PABPC4L: variants seen among roughly 807,000 people sequenced by gnomAD.
PABPC4L encodes poly(A) binding protein cytoplasmic 4 like, also known as polyadenylate-binding protein 4-like.
For missense variants in PABPC4L, 452 were observed against 451.4 expected (o/e 1.00, Z -0.01); for synonymous variants, 169 against 164.1 (o/e 1.03, Z -0.23).
chr4:134,111,889 G>A, the PABPC4L span, among the ~76,000 whole-genome samples: 1 of 152,060 alleles, frequency 6.6e-6, no homozygotes, highest in South Asian at 2.1e-4. Flanking sequence ...CGTGAAAACA[G>A]ACTAAGGCAC....
At chr4:134,086,110 A>G in the PABPC4L span, among the ~76,000 whole-genome samples, 1 of 151,824 alleles carries the variant, frequency 6.6e-6, no homozygotes, top group African/African-American at 2.4e-5. Context: ...TTGAATAAAC[A>G]GTAGCATTTC....
At chr4:133,984,814 T>C in the PABPC4L span, among the ~76,000 whole-genome samples, 1 of 151,852 alleles carries the variant, frequency 6.6e-6, no homozygotes, top group Non-Finnish European at 1.5e-5. Flanking sequence ...AGACACTTGT[T>C]GTAAGTTTCT....
the PABPC4L span, among the ~76,000 whole-genome samples, chr4:133,983,717 T>C: frequency 1.3e-5 from 2 of 151,842 alleles, no homozygotes; most frequent in African/African-American, 4.8e-5. Context: ...TTGTATTACA[T>C]TTTAGGACAA....
chr4:134,194,553 A>G (rs1729603237), downstream of PABPC4L, among the ~76,000 whole-genome samples: 1 of 151,874 alleles, frequency 6.6e-6, no homozygotes, highest in African/African-American at 2.4e-5. Context: ...CAGAACCAAT[A>G]AAACTTACAC....
chr4:134,005,308 T>C, the PABPC4L span, among the ~76,000 whole-genome samples: 61 of 151,978 alleles, frequency 4.0e-4, no homozygotes, highest in Middle Eastern at 3.4e-3. Context: ...CAAGGAAATA[T>C]GGTTTGACCT....
chr4:134,183,807 A>C, the PABPC4L span, among the ~76,000 whole-genome samples: 5 of 151,758 alleles, frequency 3.3e-5, no homozygotes, highest in East Asian at 9.6e-4. Context: ...AAGACCAATA[A>C]ATTGATATTT....
chr4:134,151,146 G>A, the PABPC4L span, among the ~76,000 whole-genome samples: 4 of 152,034 alleles, frequency 2.6e-5, no homozygotes, highest in South Asian at 2.1e-4. Flanking sequence ...GGCTAGAATC[G>A]GAAGGGAAAT....
chr4:134,011,339 T>G, the PABPC4L span, among the ~76,000 whole-genome samples: 1 of 152,014 alleles, frequency 6.6e-6, no homozygotes, highest in Non-Finnish European at 1.5e-5. Flanking sequence ...TTGAAAATCA[T>G]AGAAAGTAAA....
the PABPC4L span, among the ~76,000 whole-genome samples, chr4:134,021,049 C>A: frequency 6.6e-6 from 1 of 151,984 alleles, no homozygotes; most frequent in Non-Finnish European, 1.5e-5. Flanking sequence ...TATGGCAGCC[C>A]AAGGCTTGTA....
the PABPC4L span, among the ~76,000 whole-genome samples, chr4:133,970,070 T>A: frequency 8.9e-5 from 11 of 123,332 alleles, no homozygotes; most frequent in East Asian, 1.9e-3. Context: ...TTAAAATATT[T>A]AAAAAATATA....
At chr4:134,193,918 C>T (rs1729583222), downstream of PABPC4L, among the ~76,000 whole-genome samples, 1 of 151,870 alleles carries the variant, frequency 6.6e-6, no homozygotes, top group Admixed American at 6.6e-5. Flanking sequence ...TCTTCTATCA[C>T]TTCCTGAACT....
chr4:134,006,296 T>C, the PABPC4L span, among the ~76,000 whole-genome samples: 1 of 151,914 alleles, frequency 6.6e-6, no homozygotes, highest in Non-Finnish European at 1.5e-5. Context: ...TGTATATATG[T>C]AGTTACATCA....
the PABPC4L span, among the ~76,000 whole-genome samples, chr4:134,178,418 A>G: frequency 6.6e-6 from 1 of 152,114 alleles, no homozygotes; most frequent in African/African-American, 2.4e-5. Context: ...TCAAGGCTGA[A>G]CAAACATCAG....
the PABPC4L span, among the ~76,000 whole-genome samples, chr4:134,030,632 T>C: frequency 2.6e-5 from 4 of 152,080 alleles, no homozygotes; most frequent in Non-Finnish European, 5.9e-5. Context: ...TTCTACAGTT[T>C]TCTAATAATT....
chr4:134,025,073 G>C, the PABPC4L span, among the ~76,000 whole-genome samples: 1 of 150,632 alleles, frequency 6.6e-6, no homozygotes, highest in South Asian at 2.1e-4. Context: ...GCTCACACCT[G>C]TAATCCCAGC....
chr4:133,998,738 T>G, the PABPC4L span, among the ~76,000 whole-genome samples: 5 of 145,970 alleles, frequency 3.4e-5, no homozygotes, highest in Non-Finnish European at 6.0e-5. Context: ...ATAATTATGG[T>G]TTTTTTTTTC....
At chr4:134,091,231 A>G in the PABPC4L span, among the ~76,000 whole-genome samples, 2 of 151,838 alleles carry the variant, frequency 1.3e-5, no homozygotes, top group African/African-American at 4.8e-5. Context: ...TACATTTAGT[A>G]TTAAGTATAT....
the PABPC4L span, among the ~76,000 whole-genome samples, chr4:134,177,897 C>T: frequency 6.6e-6 from 1 of 151,986 alleles, no homozygotes; most frequent in Non-Finnish European, 1.5e-5. Flanking sequence ...CCATTAATAG[C>T]CAAGCAGGCA....
the PABPC4L span, among the ~76,000 whole-genome samples, chr4:134,188,790 G>C: frequency 4.0e-5 from 6 of 151,814 alleles, no homozygotes; most frequent in African/African-American, 1.2e-4. Context: ...GTTTTGTATT[G>C]CTTTTAATTA....
Sources: allele counts gnomAD v4.1 joint callset (sites outside exome capture counted in the v4.1 genomes callset), GRCh38; gene constraint gnomAD v4.1.1; transcripts MANE v1.5; gene names NCBI Gene and HGNC (gene_info 2026-07-23, HGNC 2026-07-21).